The following BMI1 variants were observed in gnomAD, a reference collection of about 807,000 sequenced individuals.
The protein encoded by BMI1 is BMI1 proto-oncogene, polycomb ring finger.
Under a neutral mutation model 39.1 loss-of-function variants are expected in BMI1, and 9 were observed. The observed-to-expected ratio is 0.23, with a 90% CI of 0.14 to 0.40. The LOEUF is 0.40. Among genes scored for constraint, BMI1 ranks in the 10% least tolerant of loss-of-function variants. The pLI is 1.00. For missense variants in BMI1, 252 were observed against 390.8 expected, an observed-to-expected ratio of 0.64 and a Z score of 2.99; for synonymous variants, 131 against 127.9, an observed-to-expected ratio of 1.02 and a Z score of -0.16.
intron 1 of BMI1, chr10:22,322,061 C>G (rs1317336815): frequency 6.6e-6 from 1 of 151,296 alleles, no homozygotes; most frequent in Non-Finnish European, 1.5e-5. Flanking sequence ...TTTAGTTCCC[C>G]GCTCCCCCGG....
At chr10:22,328,775 A>G in intron 8 of BMI1, 77 bp downstream of exon 8, 1 of 1,439,144 alleles carries the variant, frequency 6.9e-7, no homozygotes, top group Non-Finnish European at 9.3e-7. Context: ...TGGATTTTGA[A>G]CCCAAAAAAG....
chr10:22,328,553 A>C lies in BMI1; in HGVS notation c.472-47A>C, dbSNP rs188352510. 1.5e-5 allele frequency: 24 copies of C among 1,553,824 alleles called. No individual in the cohort carries two copies. In the African/African-American group the frequency reaches 2.9e-4, roughly 19 times the overall value. On this transcript the variant is annotated intron_variant, in intron 7 of 9. Coordinates refer to ENST00000376663, the MANE Select transcript of BMI1 (RefSeq NM_005180.9). ...AAGCAATCAAATTGAAACTTTCTTCATATCTTAAAGTAACTGAAAAAGTTA... is the reference window on the plus strand; with the variant it reads ...AAGCAATCAAATTGAAACTTTCTTCCTATCTTAAAGTAACTGAAAAAGTTA...
rs145972442 is a variant in BMI1, at chr10:22,327,790, A to T, written c.314A>T (p.Asp105Val). 1.2e-5 allele frequency: 20 copies of T among 1,613,250 alleles called. No individual in the cohort carries two copies. The African/African-American group carries it at 1.9e-4, about 15-fold the overall frequency. ...RDFYAAHPSA[D>V]AANGSNEDRG... ...TTTTATGCAGCTCATCCTTCTGCTG[A>T]TGGTAAACCTTTTAGGGGAGGGAAG... is the stretch of plus-strand genomic sequence containing the variant. Residue 105 changes from aspartate to valine, a missense_variant and splice_region_variant, in exon 5 of 10, where the codon GAT (aspartate) becomes GTT (valine). Asp to Val is a radical substitution (Grantham distance 152). Around this residue, in one of 4 missense-constraint regions of BMI1, gnomAD observed 67 missense variants for 69.9 expected, o/e 0.96. Transcript: ENST00000376663.
At chr10:22,325,062 G>A (rs1359440480) in intron 1 of BMI1, among the ~76,000 whole-genome samples, 4 of 152,342 alleles carry the variant, frequency 2.6e-5, no homozygotes, top group African/African-American at 7.2e-5. Context: ...ACCGATTAAA[G>A]TACTTTTTCT....
chr10:22,325,494 G>A (rs1041127841), intron 1 of BMI1, among the ~76,000 whole-genome samples: 3 of 151,704 alleles, frequency 2.0e-5, no homozygotes, highest in East Asian at 1.9e-4. Context: ...GCCCAGGACT[G>A]GGTCCCTGGT....
At chr10:22,322,359 C>T (rs1032550473) in intron 1 of BMI1, among the ~76,000 whole-genome samples, 8 of 152,100 alleles carry the variant, frequency 5.3e-5, no homozygotes, top group African/African-American at 1.9e-4. Context: ...GAGAGAGCCC[C>T]GACGAAAATG....
At position 22,323,520 on chromosome 10, in the gene BMI1, C is replaced by T. The variant is rs934005392; in HGVS notation, c.-20+1824C>T. ...TTAAGTGTGCAGATAGGCTTTCTCCCCAGGAGTCAAATTAACCCCAACTTT... is the reference window on the plus strand; with the variant it reads ...TTAAGTGTGCAGATAGGCTTTCTCCTCAGGAGTCAAATTAACCCCAACTTT... On this transcript the variant is annotated intron_variant, in intron 1 of 9. Coordinates refer to ENST00000376663, the MANE Select transcript of BMI1 (RefSeq NM_005180.9). Among the ~76,000 whole-genome samples, 4 of 152,330 alleles carry T rather than the reference C, an allele frequency of 2.6e-5. No individual in the cohort carries two copies. In the East Asian group the frequency reaches 5.8e-4, roughly 22 times the overall value.
chr10:22,325,606 CCGCGGCG>C (rs1160182572), intron 1 of BMI1: 1 of 145,618 alleles, frequency 6.9e-6, no homozygotes, highest in Non-Finnish European at 1.5e-5. Flanking sequence ...GGCCCCGCCC[CCGCGGCG>C]CGCCGCCCCT....
intron 1 of BMI1, among the ~76,000 whole-genome samples, chr10:22,322,594 C>CT (rs1481143768): frequency 6.6e-6 from 1 of 152,160 alleles, no homozygotes; most frequent in Non-Finnish European, 1.5e-5. Context: ...AAGATGGTGA[C>CT]TGGACGTTAG....
At chr10:22,326,787 A>T (rs1836164779) in intron 2 of BMI1, 103 bp from the exon 3 acceptor site, 1 of 1,435,798 alleles carries the variant, frequency 7.0e-7, no homozygotes, top group African/African-American at 1.4e-5. Context: ...TTAGTTGGAA[A>T]TGCCTTTCAC....
At chr10:22,328,959 C>T (rs1836224129) in intron 8 of BMI1, 89 bp from the exon 9 acceptor site, 11 of 1,338,902 alleles carry the variant, frequency 8.2e-6, no homozygotes, top group Non-Finnish European at 1.1e-5. Flanking sequence ...GAATATGTTT[C>T]TTAAAGCACT....
intron 1 of BMI1, among the ~76,000 whole-genome samples, chr10:22,324,693 C>A (rs1836089791): frequency 6.6e-6 from 1 of 152,166 alleles, no homozygotes; most frequent in Non-Finnish European, 1.5e-5. Flanking sequence ...TATCTTACTG[C>A]AAGTTTCAAA....
At chr10:22,321,824 A>G (rs1245887300) in intron 1 of BMI1, 128 bp downstream of exon 1, 1 of 141,092 alleles carries the variant, frequency 7.1e-6, no homozygotes, top group Non-Finnish European at 1.6e-5. Flanking sequence ...GAGGGCGCTG[A>G]CAGCGTGGGC....
intron 7 of BMI1, 135 bp downstream of exon 7, chr10:22,328,314 C>G: frequency 1.0e-6 from 1 of 981,964 alleles, no homozygotes; most frequent in Non-Finnish European, 1.4e-6. Flanking sequence ...TAAGAAAGGT[C>G]TACATGTGAT....
At chr10:22,328,506 G>T in intron 7 of BMI1, 94 bp from the exon 8 acceptor site, 2 of 1,338,398 alleles carry the variant, frequency 1.5e-6, no homozygotes, top group South Asian at 3.2e-5. Flanking sequence ...AATTTTGTTT[G>T]ATACTAGTAT....
intron 8 of BMI1, among the ~76,000 whole-genome samples, 161 bp downstream of exon 8, chr10:22,328,859 A>T (rs1334906696): frequency 1.3e-5 from 2 of 152,156 alleles, no homozygotes; most frequent in Non-Finnish European, 2.9e-5. Context: ...ATTCTCTTTT[A>T]TGCTATGAAA....
chr10:22,327,414 T>C (rs1298292271), intron 3 of BMI1, among the ~76,000 whole-genome samples, 181 bp from the exon 4 acceptor site: 2 of 152,192 alleles, frequency 1.3e-5, no homozygotes, highest in Admixed American at 6.5e-5. Context: ...TTTCTACTGA[T>C]TTAAAAAGTG....
At position 22,324,308 on chromosome 10, in the gene BMI1, G is replaced by A. The variant is rs374331410; in HGVS notation, c.-19-2123G>A. ...GCTATCTTTCTAGGAAAGATCCTGTGGTTTCACAAGGAGAATTTTCTTTAA... is the reference window on the plus strand; with the variant it reads ...GCTATCTTTCTAGGAAAGATCCTGTAGTTTCACAAGGAGAATTTTCTTTAA... On this transcript the variant is annotated intron_variant, in intron 1 of 9. Transcript: ENST00000376663. 2.0e-5 allele frequency among the ~76,000 whole-genome samples: 3 copies of A among 152,224 alleles called. No homozygotes were observed. The East Asian group carries it at 5.8e-4, about 29-fold the overall frequency.
intron 8 of BMI1, 93 bp from the exon 9 acceptor site, chr10:22,328,955 G>A (rs775357495): frequency 2.3e-6 from 3 of 1,303,786 alleles, no homozygotes; most frequent in Non-Finnish European, 3.1e-6. Context: ...TGGAGAATAT[G>A]TTTCTTAAAG....
Sources: gnomAD v4.1 joint callset for allele counts (sites outside exome capture counted in the v4.1 genomes callset) on GRCh38, gnomAD v4.1.1 for gene constraint, gnomAD v4.1.1 regional missense constraint, MANE v1.5 for transcripts, NCBI Gene and HGNC (gene_info 2026-07-23, HGNC 2026-07-21) for gene names.